Variants in HSPH1 observed in about 807,000 individuals in gnomAD.
HSPH1 encodes the protein heat shock protein family H (Hsp110) member 1, also known as heat shock protein 105 kDa.
In HSPH1, 40 loss-of-function variants were observed where a neutral mutation model predicts 100.0. That is an observed-to-expected ratio of 0.40 (90% CI 0.31 to 0.52). The LOEUF (loss-of-function observed/expected upper bound fraction) is 0.52, where lower values mean the gene tolerates loss of function less well. HSPH1 is among the 20% of genes least tolerant of loss of function. The pLI is 0.54. For synonymous variants in HSPH1, 403 were observed against 344.0 expected, an observed-to-expected ratio of 1.17 and a Z score of -1.90; for missense variants, 876 against 1,015.1, an observed-to-expected ratio of 0.86 and a Z score of 1.86.
chr13:31,137,541 C>G lies in HSPH1; in HGVS notation c.2371-17G>C. ...GTTCAATTCCTAAAGAAAACAAAAA[C>G]TAGTTATCAGATTAACTCAGATCCA... On this transcript the variant is annotated splice_polypyrimidine_tract_variant and intron_variant, in intron 17 of 17. Transcript: ENST00000320027. The G allele has an allele frequency of 6.3e-7, 1 of 1,590,336 alleles. No homozygotes were observed. The highest frequency in any genetic ancestry group is 1.1e-5 in the South Asian group (1 of 88,828).
At chr13:31,141,768 G>C (rs928479458) in intron 12 of HSPH1, among the ~76,000 whole-genome samples, 31 of 147,404 alleles carry the variant, frequency 2.1e-4, no homozygotes, top group African/African-American at 7.8e-4. Flanking sequence ...TATTGAACTT[G>C]GAGTACATAT....
intron 17 of HSPH1, among the ~76,000 whole-genome samples, chr13:31,138,117 G>A (rs540077163): frequency 6.6e-6 from 1 of 152,038 alleles, no homozygotes; most frequent in Non-Finnish European, 1.5e-5. Flanking sequence ...GTTCCATAAG[G>A]GCAGAGACTA....
At position 31,135,179 on chromosome 13, in the gene HSPH1, C is replaced by T. The variant is rs568026431; in HGVS notation, c.*2139G>A. Reference sequence around the variant, plus strand: ...TAATCAACATGACAATACTTTTGCCCGCATCCAAAAGCGCAGTACACTGAT... The same window carrying T: ...TAATCAACATGACAATACTTTTGCCTGCATCCAAAAGCGCAGTACACTGAT... On this transcript the variant is annotated 3_prime_UTR_variant, in exon 18 of 18. Transcript: ENST00000320027. The T allele has an allele frequency of 5.9e-5, 9 of 152,270 alleles. No individual in the cohort carries two copies. The highest frequency in any genetic ancestry group is 1.9e-4 in the East Asian group (1 of 5,192). 9.4% of individuals were successfully genotyped at this position (152,270 alleles called of 1,614,324 possible).
intron 11 of HSPH1, 147 bp downstream of exon 11, chr13:31,145,416 C>T (rs552372110): frequency 1.1e-5 from 7 of 637,590 alleles, no homozygotes; most frequent in East Asian, 5.5e-5. Flanking sequence ...TACCACTAAC[C>T]GGCAAGCGCT....
In HSPH1 at chr13:31,147,176, G is replaced by A. The variant is rs560093281; in HGVS notation, c.1378+783C>T. On this transcript the variant is annotated intron_variant, in intron 10 of 17. Transcript: ENST00000320027. ...ATCTTCCACACAGTAACGAGTTAAT[G>A]CACAGATTCCAATTTATCAAAATCT... Among the ~76,000 whole-genome samples, 3 of 152,232 alleles carry A rather than the reference G, an allele frequency of 2.0e-5. No homozygotes were observed. The East Asian group carries it at 5.8e-4, about 29-fold the overall frequency.
chr13:31,161,599 G>C lies in HSPH1; in HGVS notation c.-17C>G, dbSNP rs774730896. 11 of 1,610,722 alleles carry C rather than the reference G, an allele frequency of 6.8e-6. No homozygotes were observed. The Admixed American group carries it at 1.8e-4, about 27-fold the overall frequency. On this transcript the variant is annotated 5_prime_UTR_variant, in exon 1 of 18. Coordinates refer to ENST00000320027, the MANE Select transcript of HSPH1 (RefSeq NM_006644.4). ...CACCGACATGGCCGGCTCGCGGTCCGCCTCCGCCTCGGGTCTCGGTCTGCG... is the reference window on the plus strand; with the variant it reads ...CACCGACATGGCCGGCTCGCGGTCCCCCTCCGCCTCGGGTCTCGGTCTGCG...
At chr13:31,162,066 G>A (rs771024189), upstream of HSPH1, 39 of 1,536,100 alleles carry the variant, frequency 2.5e-5, no homozygotes, top group South Asian at 1.1e-4. Context: ...ATGGGCAGCC[G>A]GTCCCCGGAG....
At chr13:31,161,383 C>T (rs1449903706) in intron 1 of HSPH1, 93 bp downstream of exon 1, 2 of 1,527,874 alleles carry the variant, frequency 1.3e-6, no homozygotes, top group Admixed American at 2.0e-5. Context: ...CCTCCGTTTG[C>T]CGCGGTGATC....
intron 1 of HSPH1, 52 bp from the exon 2 acceptor site, chr13:31,158,915 A>G (rs1440694142): frequency 8.9e-7 from 1 of 1,120,920 alleles, no homozygotes; most frequent in Non-Finnish European, 1.4e-6. Context: ...TTGATATTTT[A>G]AACTGATAAG....
intron 1 of HSPH1, among the ~76,000 whole-genome samples, chr13:31,160,942 G>A (rs1682641148): frequency 6.6e-6 from 1 of 152,218 alleles, no homozygotes; most frequent in African/African-American, 2.4e-5. Context: ...GACAAGCAGC[G>A]ACACAAGCTC....
In HSPH1 at chr13:31,161,630, C is replaced by T. The variant is rs780617579; in HGVS notation, c.-48G>A. ...GCCTCGGGTCTCGGTCTGCGTCCTC[C>T]GGCCCCCTGCCTGCTTCTCCTGCCG... On this transcript the variant is annotated 5_prime_UTR_variant, in exon 1 of 18. Coordinates refer to ENST00000320027, the MANE Select transcript of HSPH1 (RefSeq NM_006644.4). 8 of 1,602,954 alleles carry T rather than the reference C, an allele frequency of 5.0e-6. No individual in the cohort carries two copies. The highest frequency in any genetic ancestry group is 3.4e-5 in the Admixed American group (2 of 59,616).
rs1955887872 is a variant in HSPH1, at chr13:31,136,525, TAAGCAGTAAAA to T, written c.*782_*792del. 6.6e-6 allele frequency: 1 copy of T among 152,424 alleles called. No individual in the cohort carries two copies. Among genetic ancestry groups the T allele is most frequent in the Non-Finnish European group, 1.5e-5 (1 of 68,004 alleles). The allele number at this position is 152,424 out of a possible 1,614,324, so 9.4% of individuals were successfully genotyped here. A position where few individuals can be genotyped will look rare whatever the true frequency, so the allele number is the denominator to read the frequency against. On this transcript the variant is annotated 3_prime_UTR_variant, in exon 18 of 18. Coordinates refer to ENST00000320027, the MANE Select transcript of HSPH1 (RefSeq NM_006644.4). Reference sequence around the variant, plus strand: ...ATTTTCACTTAGAAAAGAGAGAACATAAGCAGTAAAAAAGAAAAACTGGACACTAACTTCAT... The same window carrying T: ...ATTTTCACTTAGAAAAGAGAGAACATAAGAAAAACTGGACACTAACTTCAT...
rs1955908206 is a variant in HSPH1, at chr13:31,137,156, A to G, written c.*162T>C. On this transcript the variant is annotated 3_prime_UTR_variant, in exon 18 of 18. Coordinates refer to ENST00000320027, the MANE Select transcript of HSPH1 (RefSeq NM_006644.4). ...AGGCAATTTTCCCTTTTAGGATCAT[A>G]AAGACTACAGACTTAAGCTTTTTTT... is the stretch of plus-strand genomic sequence containing the variant. 4.0e-6 allele frequency: 3 copies of G among 745,542 alleles called. No homozygotes were observed. Among genetic ancestry groups the G allele is most frequent in the South Asian group, 2.9e-5 (2 of 67,896 alleles). 46.2% of individuals were successfully genotyped at this position (745,542 alleles called of 1,614,324 possible).
chr13:31,155,698 AC>A, intron 2 of HSPH1, 44 bp from the exon 3 acceptor site: 1 of 1,485,490 alleles, frequency 6.7e-7, no homozygotes, highest in Non-Finnish European at 9.2e-7. Context: ...CTTTAATTTC[AC>A]CACCTACCAG....
chr13:31,151,040 T>C lies in HSPH1; in HGVS notation c.815A>G (p.Lys272Arg), dbSNP rs1956468216. 6.2e-7 allele frequency: 1 copy of C among 1,613,738 alleles called. No homozygotes were observed. Residue 272 changes from lysine to arginine, a missense_variant, in exon 7 of 18, where the codon AAA becomes AGA. Lys to Arg is a conservative substitution (Grantham distance 26). Transcript: ENST00000320027. Reference sequence around the variant, plus strand: ...GTTAGAGCTCATTAGCTTTTTCAGTTTTTCACATTCCTGATACAGACGTAG... The same window carrying C: ...GTTAGAGCTCATTAGCTTTTTCAGTCTTTCACATTCCTGATACAGACGTAG... ...ALLRLYQECE[K>R]LKKLMSSNST... is the part of the protein sequence containing the mutation.
chr13:31,154,765 A>T lies in HSPH1; in HGVS notation c.307-10T>A. The T allele has an allele frequency of 6.2e-7, 1 of 1,609,724 alleles. No individual in the cohort carries two copies. Among genetic ancestry groups the T allele is most frequent in the Non-Finnish European group, 8.5e-7 (1 of 1,177,138 alleles). Reference sequence around the variant, plus strand: ...CACCCATGTACATTACCTATATTGAAGGGAAAAAATGTTTTAAACATTGTA... The same window carrying T: ...CACCCATGTACATTACCTATATTGATGGGAAAAAATGTTTTAAACATTGTA... On this transcript the variant is annotated splice_polypyrimidine_tract_variant and intron_variant, in intron 3 of 17. Coordinates refer to ENST00000320027, the MANE Select transcript of HSPH1 (RefSeq NM_006644.4).
At chr13:31,145,490 C>T (rs1277716571) in intron 11 of HSPH1, 73 bp downstream of exon 11, 2 of 1,127,492 alleles carry the variant, frequency 1.8e-6, no homozygotes, top group African/African-American at 1.5e-5. Flanking sequence ...TTTAACCCTT[C>T]CCTACCCAAT....
intron 2 of HSPH1, among the ~76,000 whole-genome samples, chr13:31,157,270 T>C (rs866960613): frequency 6.6e-6 from 1 of 152,246 alleles, no homozygotes; most frequent in African/African-American, 2.4e-5. Context: ...AGGCTATCAA[T>C]ATCCTCAATG....
chr13:31,162,160 A>G (rs887094947), upstream of HSPH1: 2 of 1,432,494 alleles, frequency 1.4e-6, no homozygotes, highest in Admixed American at 2.0e-5. Context: ...CGCCCTAGCC[A>G]CAGGCGTTTT....
Sources: gnomAD v4.1 joint callset for allele counts (sites outside exome capture counted in the v4.1 genomes callset) on GRCh38, gnomAD v4.1.1 for gene constraint, MANE v1.5 for transcripts, NCBI Gene and HGNC (gene_info 2026-07-23, HGNC 2026-07-21) for gene names.